The following COMMD2 variants were observed in gnomAD, a reference collection of about 807,000 sequenced individuals.
The protein encoded by COMMD2 is COMM domain containing 2.
In COMMD2, 25 loss-of-function variants were observed where a neutral mutation model predicts 22.5. The observed-to-expected ratio is 1.11, with a 90% confidence interval of 0.81 to 1.55. The LOEUF (loss-of-function observed/expected upper bound fraction) is 1.55, where lower values mean the gene tolerates loss of function less well. Among genes scored for constraint, COMMD2 ranks in the 40% most tolerant of loss-of-function variants. The probability of loss-of-function intolerance (pLI) is 0.00; values close to 1 mark genes in which losing one functional copy is unlikely to be tolerated. For synonymous variants in COMMD2, 98 were observed against 91.2 expected, an observed-to-expected ratio of 1.07 and a Z score of -0.42; for missense variants, 223 against 232.9, an observed-to-expected ratio of 0.96 and a Z score of 0.28.
In COMMD2 at chr3:149,750,862, T is replaced by C. The variant is rs376996550; in HGVS notation, c.229-11A>G. ...ATCCAGTTCAGAAATCTAAGTGAAT[T>C]GAGTTTAAAAGAACATCAAAATTTA... On this transcript the variant is annotated splice_polypyrimidine_tract_variant and intron_variant, in intron 3 of 4. Transcript: ENST00000473414. 2 of 1,535,856 alleles carry C rather than the reference T, an allele frequency of 1.3e-6. No homozygotes were observed. The highest frequency in any genetic ancestry group is 1.8e-6 in the Non-Finnish European group (2 of 1,132,580).
At chr3:149,750,639 C>A (rs753170462) in intron 4 of COMMD2, 39 bp downstream of exon 4, 2 of 1,381,988 alleles carry the variant, frequency 1.4e-6, no homozygotes, top group Non-Finnish European at 2.0e-6. Flanking sequence ...TAAAATAATT[C>A]TTATATTCTA....
At position 149,741,005 on chromosome 3, in the gene COMMD2, C is replaced by T. The variant is rs1368685984; in HGVS notation, c.*516G>A. 4.6e-5 allele frequency: 7 copies of T among 152,518 alleles called. No individual in the cohort carries two copies. The highest frequency in any genetic ancestry group is 1.7e-4 in the African/African-American group (7 of 41,416). 9.4% of individuals were successfully genotyped at this position (152,518 alleles called of 1,614,324 possible). Reference sequence around the variant, plus strand: ...GTGTCAAGAAGACCACAGTTAGCACCAGGAAAGGAACTTTACTTTAGCTTC... The same window carrying T: ...GTGTCAAGAAGACCACAGTTAGCACTAGGAAAGGAACTTTACTTTAGCTTC... On this transcript the variant is annotated 3_prime_UTR_variant, in exon 5 of 5. Coordinates refer to ENST00000473414, the MANE Select transcript of COMMD2 (RefSeq NM_016094.4).
chr3:149,750,223 T>C (rs1716494018), intron 4 of COMMD2: 1 of 186,440 alleles, frequency 5.4e-6, no homozygotes, highest in Admixed American at 5.7e-5. Flanking sequence ...GACAGGTAAA[T>C]GTAATTTGTG....
chr3:149,741,489 G>A lies in COMMD2; in HGVS notation c.*32C>T. ...TGCTGTATATCATCAATTCATAAGT[G>A]ATTCAAATGAATTAAAACCTTAAAA... On this transcript the variant is annotated 3_prime_UTR_variant, in exon 5 of 5. Coordinates refer to ENST00000473414, the MANE Select transcript of COMMD2 (RefSeq NM_016094.4). 1 of 1,515,620 alleles carries A rather than the reference G, an allele frequency of 6.6e-7. No individual in the cohort carries two copies. The highest frequency in any genetic ancestry group is 9.2e-7 in the Non-Finnish European group (1 of 1,090,884). 93.9% of individuals were successfully genotyped at this position (1,515,620 alleles called of 1,614,324 possible). A position where few individuals can be genotyped will look rare whatever the true frequency, so the allele number is the denominator to read the frequency against.
chr3:149,744,033 CAGAA>C (rs1716302792), intron 4 of COMMD2, among the ~76,000 whole-genome samples: 1 of 151,984 alleles, frequency 6.6e-6, no homozygotes, highest in African/African-American at 2.4e-5. Context: ...ACATTTTTCT[CAGAA>C]AGAAGTTGAA....
intron 4 of COMMD2, chr3:149,750,408 T>G (rs1716497694): frequency 2.0e-6 from 1 of 507,012 alleles, no homozygotes; most frequent in Admixed American, 2.4e-5. Flanking sequence ...AGAAAAGTTT[T>G]TAAACATCTA....
chr3:149,741,668 C>A lies in COMMD2; in HGVS notation c.453G>T (p.Lys151Asn). 9 of 1,613,932 alleles carry A rather than the reference C, an allele frequency of 5.6e-6. No individual in the cohort carries two copies. The highest frequency in any genetic ancestry group is 7.6e-6 in the Non-Finnish European group (9 of 1,179,982). The part of the protein sequence containing the change: ...RQQIKPAVTI[K>N]LHLNQNGDHN... ...GATCTCCATTTTGATTAAGGTGTAG[C>A]TTTATAGTCACTGCTGGTTTAATCT... Residue 151 changes from lysine (K) to asparagine (N), a missense_variant, in exon 5 of 5, where the codon AAG (lysine) becomes AAT (asparagine). Coordinates refer to ENST00000473414, the MANE Select transcript of COMMD2 (RefSeq NM_016094.4).
At position 149,752,359 on chromosome 3, in the gene COMMD2, C is replaced by T; in HGVS notation, c.67+19G>A. 3.1e-6 allele frequency: 5 copies of T among 1,614,088 alleles called. No homozygotes were observed. Among genetic ancestry groups the T allele is most frequent in the Non-Finnish European group, 4.2e-6 (5 of 1,179,950 alleles). ...ACCTCCTCCCCAGCCCACAGAACACCGCCCCCACGCCCGCTGACCCGCGCT... is the reference window on the plus strand; with the variant it reads ...ACCTCCTCCCCAGCCCACAGAACACTGCCCCCACGCCCGCTGACCCGCGCT... On this transcript the variant is annotated intron_variant, in intron 1 of 4. Transcript: ENST00000473414.
intron 4 of COMMD2, among the ~76,000 whole-genome samples, chr3:149,743,066 G>A (rs1716279899): frequency 6.6e-6 from 1 of 152,098 alleles, no homozygotes; most frequent in South Asian, 2.1e-4. Context: ...TTACAATTGG[G>A]TACAGGTTCT....
At chr3:149,744,723 A>G (rs1716321783) in intron 4 of COMMD2, among the ~76,000 whole-genome samples, 1 of 152,246 alleles carries the variant, frequency 6.6e-6, no homozygotes, top group Non-Finnish European at 1.5e-5. Flanking sequence ...CTATGAGCAG[A>G]AGAATCCACT....
intron 4 of COMMD2, among the ~76,000 whole-genome samples, chr3:149,743,749 TATG>T (rs1184064621): frequency 1.3e-5 from 2 of 152,300 alleles, no homozygotes; most frequent in East Asian, 3.9e-4. Flanking sequence ...AAATTATATA[TATG>T]ATAATTGAAA....
chr3:149,750,901 A>G (rs1284520239), intron 3 of COMMD2, 50 bp from the exon 4 acceptor site: 1 of 1,177,788 alleles, frequency 8.5e-7, no homozygotes, highest in African/African-American at 1.5e-5. Flanking sequence ...TTGTCTAGCT[A>G]AAATAATTGA....
Position 149,751,422 on chromosome 3 carries a change from G to A in COMMD2, c.209C>T (p.Thr70Ile). ...CCTTACCATGAGCTTTGAGCTCTCAGTGAGGAGATACGTTAATCCTTCCAC... is the reference window on the plus strand; with the variant it reads ...CCTTACCATGAGCTTTGAGCTCTCAATGAGGAGATACGTTAATCCTTCCAC... Reference protein sequence around the residue: ...HGVEGLTYLLTESSKLMISEL... With the variant: ...HGVEGLTYLLIESSKLMISEL... The change falls in exon 3 of 5, where the codon ACT becomes ATT. Residue 70 changes from threonine to isoleucine, a missense_variant. By Grantham distance (89) the Thr-to-Ile change is moderately conservative. Coordinates refer to ENST00000473414, the MANE Select transcript of COMMD2 (RefSeq NM_016094.4). The A allele has an allele frequency of 1.2e-6, 2 of 1,614,050 alleles. No homozygotes were observed. Among genetic ancestry groups the A allele is most frequent in the Non-Finnish European group, 1.7e-6 (2 of 1,179,924 alleles).
intron 4 of COMMD2, among the ~76,000 whole-genome samples, chr3:149,747,972 G>C (rs6440636): frequency 7.7e-6 from 1 of 129,288 alleles, no homozygotes; most frequent in African/African-American, 3.7e-5. Flanking sequence ...AAAAAAAAAA[G>C]GCTTAGTATA....
chr3:149,741,446 T>C lies in COMMD2; in HGVS notation c.*75A>G, dbSNP rs1041421078. On this transcript the variant is annotated 3_prime_UTR_variant, in exon 5 of 5. Coordinates refer to ENST00000473414, the MANE Select transcript of COMMD2 (RefSeq NM_016094.4). Reference sequence around the variant, plus strand: ...TTTATCATCATGAATTAATAAAAAATTAATTTTGAAAAGTAATTGCTGTAT... The same window carrying C: ...TTTATCATCATGAATTAATAAAAAACTAATTTTGAAAAGTAATTGCTGTAT... 4 of 1,184,874 alleles carry C rather than the reference T, an allele frequency of 3.4e-6. No individual in the cohort carries two copies. Among genetic ancestry groups the C allele is most frequent in the Non-Finnish European group, 5.0e-6 (4 of 800,354 alleles). 73.4% of individuals were successfully genotyped at this position (1,184,874 alleles called of 1,614,324 possible). A position where few individuals can be genotyped will look rare whatever the true frequency, so the allele number is the denominator to read the frequency against.
At position 149,739,673 on chromosome 3, in the gene COMMD2, C is replaced by T. The variant is rs1716157755; in HGVS notation, c.*1848G>A. ...AAACCCTTACAGAGGTATTTTTTAT[C>T]ATATGTTTTGCAGGCATGTTGCTTT... is the stretch of plus-strand genomic sequence containing the variant. On this transcript the variant is annotated 3_prime_UTR_variant, in exon 5 of 5. Transcript: ENST00000473414. The T allele has an allele frequency of 6.6e-6, 1 of 152,134 alleles. No individual in the cohort carries two copies. Among genetic ancestry groups the T allele is most frequent in the Admixed American group, 6.5e-5 (1 of 15,268 alleles). The allele number at this position is 152,134 out of a possible 1,614,324, so 9.4% of individuals were successfully genotyped here.
At chr3:149,749,711 A>G (rs1337927790) in intron 4 of COMMD2, among the ~76,000 whole-genome samples, 3 of 152,154 alleles carry the variant, frequency 2.0e-5, no homozygotes, top group Non-Finnish European at 4.4e-5. Context: ...TTCTCTATTC[A>G]TTCATCCTTC....
chr3:149,744,501 T>C (rs113617194), intron 4 of COMMD2, among the ~76,000 whole-genome samples: 9 of 152,346 alleles, frequency 5.9e-5, no homozygotes, highest in African/African-American at 1.7e-4. Context: ...TCAATTGTGT[T>C]GGCAATTTAT....
At chr3:149,747,687 A>G (rs765093399) in intron 4 of COMMD2, among the ~76,000 whole-genome samples, 40 of 152,330 alleles carry the variant, frequency 2.6e-4, no homozygotes, top group Non-Finnish European at 4.9e-4. Flanking sequence ...CTGTAATCCC[A>G]GCACTTGGGG....
Sources: gnomAD v4.1 joint callset for allele counts (sites outside exome capture counted in the v4.1 genomes callset) on GRCh38, gnomAD v4.1.1 for gene constraint, MANE v1.5 for transcripts, NCBI Gene and HGNC (gene_info 2026-07-23, HGNC 2026-07-21) for gene names.